Variants in PRELP observed in about 807,000 individuals in gnomAD.
PRELP encodes prolargin.
A neutral mutation model predicts 22.8 loss-of-function variants in PRELP; 16 were observed. That is an observed-to-expected ratio of 0.70 (90% CI 0.47 to 1.06). The LOEUF (loss-of-function observed/expected upper bound fraction) is 1.06. Ranked by LOEUF, PRELP falls within the 50% of genes least tolerant of loss-of-function variation. The pLI is 0.00. For missense variants in PRELP, 434 were observed against 485.2 expected, an observed-to-expected ratio of 0.89 and a Z score of 0.99; for synonymous variants, 233 against 211.4, an observed-to-expected ratio of 1.10 and a Z score of -0.89.
At chr1:203,480,378 A>T (rs954050418) in intron 1 of PRELP, among the ~76,000 whole-genome samples, 2 of 152,246 alleles carry the variant, frequency 1.3e-5, no homozygotes, top group African/African-American at 4.8e-5. Flanking sequence ...AAGGAATCTT[A>T]TGATTGGACA....
At chr1:203,486,663 C>T in intron 2 of PRELP, 43 bp from the exon 3 acceptor site, 1 of 1,559,674 alleles carries the variant, frequency 6.4e-7, no homozygotes, top group Non-Finnish European at 8.8e-7. Flanking sequence ...TCTTGGCCGC[C>T]AGCCTCCACT....
At position 203,491,218 on chromosome 1, in the gene PRELP, C is replaced by G. The variant is rs1355799998; in HGVS notation, c.*4337C>G. 1.3e-5 allele frequency: 2 copies of G among 152,154 alleles called. No individual in the cohort carries two copies. The highest frequency in any genetic ancestry group is 2.9e-5 in the Non-Finnish European group (2 of 68,042). 9.4% of individuals were successfully genotyped at this position (152,154 alleles called of 1,614,324 possible). A position where few individuals can be genotyped will look rare whatever the true frequency, so the allele number is the denominator to read the frequency against. On this transcript the variant is annotated 3_prime_UTR_variant, in exon 3 of 3. Transcript: ENST00000343110. This position sits in a 1 kb window ranked among gnomAD's most constrained non-coding sequence, Gnocchi z 4.4. ...CCACCCCTGGCCACCAGAGAACAAC[C>G]CCCTTTGACTGTAATTTTCCATTAC...
rs910219452 is a variant in PRELP at position 203,487,220 on chromosome 1, G to A, written c.*339G>A. The A allele has an allele frequency of 5.0e-6, 1 of 201,402 alleles. No homozygotes were observed. Among genetic ancestry groups the A allele is most frequent in the Non-Finnish European group, 1.0e-5 (1 of 99,258 alleles). The allele number at this position is 201,402 out of a possible 1,614,324, so 12.5% of individuals were successfully genotyped here. A position where few individuals can be genotyped will look rare whatever the true frequency, so the allele number is the denominator to read the frequency against. Reference sequence around the variant, plus strand: ...CGCCACTCCTGGGTACATCTGGGCCGTGGACTATCTGATCTTGGTCCTGGC... The same window carrying A: ...CGCCACTCCTGGGTACATCTGGGCCATGGACTATCTGATCTTGGTCCTGGC... On this transcript the variant is annotated 3_prime_UTR_variant, in exon 3 of 3. Transcript: ENST00000343110.
At position 203,489,262 on chromosome 1, in the gene PRELP, CA is replaced by C. The variant is rs1184556095; in HGVS notation, c.*2382del. 1 of 152,616 alleles carries C rather than the reference CA, an allele frequency of 6.6e-6. No individual in the cohort carries two copies. Among genetic ancestry groups the C allele is most frequent in the African/African-American group, 2.4e-5 (1 of 41,454 alleles). 9.5% of individuals were successfully genotyped at this position (152,616 alleles called of 1,614,324 possible). A position where few individuals can be genotyped will look rare whatever the true frequency, so the allele number is the denominator to read the frequency against. Reference sequence around the variant, plus strand: ...ATCCTGCAAACCCAGACTCGTTGAGCAGCAACGCAATCACCATCATCCCACT... The same window carrying C: ...ATCCTGCAAACCCAGACTCGTTGAGCGCAACGCAATCACCATCATCCCACT... On this transcript the variant is annotated 3_prime_UTR_variant, in exon 3 of 3. Transcript: ENST00000343110.
intron 1 of PRELP, among the ~76,000 whole-genome samples, chr1:203,477,675 C>A (rs2102204209): frequency 1.3e-5 from 2 of 152,250 alleles, no homozygotes; most frequent in South Asian, 4.2e-4. Context: ...CCCTAGTGGG[C>A]AATCCCATTT....
chr1:203,485,997 A>G (rs1444353786), intron 2 of PRELP, among the ~76,000 whole-genome samples: 1 of 152,132 alleles, frequency 6.6e-6, no homozygotes, highest in East Asian at 1.9e-4. Context: ...GCCCATCCTC[A>G]TGTCTCACAT....
intron 1 of PRELP, among the ~76,000 whole-genome samples, chr1:203,477,729 A>AGGCTGGGTGC (rs1660937074): frequency 7.3e-6 from 1 of 136,614 alleles, no homozygotes; most frequent in African/African-American, 3.0e-5. Context: ...AAGGGGCAAA[A>AGGCTGGGTGC]AGCTGGGAGA....
chr1:203,480,928 G>T (rs1471575519), intron 1 of PRELP, among the ~76,000 whole-genome samples: 1 of 152,246 alleles, frequency 6.6e-6, no homozygotes, highest in African/African-American at 2.4e-5. Flanking sequence ...CAGCCAGCCT[G>T]CTGGGTGGAG....
In PRELP at chr1:203,491,332, CA is replaced by C. The variant is rs1230654417; in HGVS notation, c.*4452del. 2 of 152,262 alleles carry C rather than the reference CA, an allele frequency of 1.3e-5. No individual in the cohort carries two copies. The highest frequency in any genetic ancestry group is 2.9e-5 in the Non-Finnish European group (2 of 68,082). The allele number at this position is 152,262 out of a possible 1,614,324, so 9.4% of individuals were successfully genotyped here. On this transcript the variant is annotated 3_prime_UTR_variant, in exon 3 of 3. Coordinates refer to ENST00000343110, the MANE Select transcript of PRELP (RefSeq NM_002725.4). The surrounding 1 kb of genome is among the most constrained non-coding windows in gnomAD (Gnocchi z 4.4). ...CCCGCCTGCACCCAGGTGAAATAAA[CA>C]GCCTTGTTGCTCACACAAAGCCTGT...
chr1:203,477,318 C>G (rs1231117143), intron 1 of PRELP, among the ~76,000 whole-genome samples: 1 of 152,194 alleles, frequency 6.6e-6, no homozygotes, highest in Non-Finnish European at 1.5e-5. Context: ...GTTAGCTGGG[C>G]AGAAGGACTG....
rs1268423523 is a variant in PRELP, at chr1:203,483,015, C to T, written c.-16-154C>T. Among the ~76,000 whole-genome samples the T allele has an allele frequency of 6.6e-6, 1 of 152,192 alleles. No individual in the cohort carries two copies. The highest frequency in any genetic ancestry group is 1.9e-4 in the East Asian group (1 of 5,202). On this transcript the variant is annotated intron_variant, in intron 1 of 2. Coordinates refer to ENST00000343110, the MANE Select transcript of PRELP (RefSeq NM_002725.4). This position sits in a 1 kb window ranked among gnomAD's most constrained non-coding sequence, Gnocchi z 4.4. ...CAAGCCCTTGTTATTCCCTTACCTG[C>T]TGGGTACAGGCAAACAAGGAGATGC...
In PRELP at chr1:203,487,017, A is replaced by T. The variant is rs2233734; in HGVS notation, c.*136A>T. On this transcript the variant is annotated 3_prime_UTR_variant, in exon 3 of 3. Coordinates refer to ENST00000343110, the MANE Select transcript of PRELP (RefSeq NM_002725.4). ...CCCTTATCCCACCCTCGAGGCAGGG[A>T]AAAGCCATCTATTCTTCTGCAGCCT... 9.9e-4 allele frequency: 1,032 copies of T among 1,042,718 alleles called. 6 individuals are homozygous for T. The African/African-American group carries it at 0.015, about 15-fold the overall frequency. The allele number at this position is 1,042,718 out of a possible 1,614,324, so 64.6% of individuals were successfully genotyped here.
rs527418973 is a variant in PRELP, at chr1:203,484,173, C to A, written c.973+16C>A. 14 of 591,134 alleles carry A rather than the reference C, an allele frequency of 2.4e-5. 1 individual carries two copies. Among genetic ancestry groups the A allele is most frequent in the Middle Eastern group, 3.9e-4 (1 of 2,546 alleles). The allele number at this position is 591,134 out of a possible 1,614,324, so 36.6% of individuals were successfully genotyped here. A position where few individuals can be genotyped will look rare whatever the true frequency, so the allele number is the denominator to read the frequency against. On this transcript the variant is annotated intron_variant, in intron 2 of 2. Transcript: ENST00000343110. ...AGCATCGAGAGTGAGTGGGGTGGGCCGGGGCGGGGCCGAAGGCAAGGAGGT... is the reference window on the plus strand; with the variant it reads ...AGCATCGAGAGTGAGTGGGGTGGGCAGGGGCGGGGCCGAAGGCAAGGAGGT...
rs1040913026 is a variant in PRELP, at chr1:203,486,949, C to T, written c.*68C>T. 3 of 1,440,134 alleles carry T rather than the reference C, an allele frequency of 2.1e-6. No homozygotes were observed. The East Asian group carries it at 7.6e-5, about 36-fold the overall frequency. 89.2% of individuals were successfully genotyped at this position (1,440,134 alleles called of 1,614,324 possible). On this transcript the variant is annotated 3_prime_UTR_variant, in exon 3 of 3. Transcript: ENST00000343110. The stretch of plus-strand genomic sequence containing the variant: ...CTGGGGCCCAGGCACCTGTGCCGGC[C>T]ATTCGTTTTCTCTCTCTCCCTTTCT...
chr1:203,488,638 C>G lies in PRELP; in HGVS notation c.*1757C>G, dbSNP rs1426478148. On this transcript the variant is annotated 3_prime_UTR_variant, in exon 3 of 3. Transcript: ENST00000343110. ...GACAAGTCCTAAATATTTGCCCCTT[C>G]CCTTGCAGTAATTTATTTTCTGTAT... is the stretch of plus-strand genomic sequence containing the variant. 2 of 152,250 alleles carry G rather than the reference C, an allele frequency of 1.3e-5. No individual in the cohort carries two copies. The highest frequency in any genetic ancestry group is 2.9e-5 in the Non-Finnish European group (2 of 68,052). The allele number at this position is 152,250 out of a possible 1,614,324, so 9.4% of individuals were successfully genotyped here.
chr1:203,490,678 C>G lies in PRELP; in HGVS notation c.*3797C>G, dbSNP rs991555389. 11 of 152,266 alleles carry G rather than the reference C, an allele frequency of 7.2e-5. No homozygotes were observed. The highest frequency in any genetic ancestry group is 3.9e-4 in the Admixed American group (6 of 15,292). 9.4% of individuals were successfully genotyped at this position (152,266 alleles called of 1,614,324 possible). On this transcript the variant is annotated 3_prime_UTR_variant, in exon 3 of 3. Transcript: ENST00000343110. ...GTTAGAACAGGGTGTCCCAGACTCT[C>G]TCTTCTGAGGGAAGGTTGGTTGCAA... is the stretch of plus-strand genomic sequence containing the variant.
rs1347402918 is a variant in PRELP at position 203,488,593 on chromosome 1, T to C, written c.*1712T>C. ...GTTCCGAGTCTGCAGCTCCACACTT[T>C]AAATCATACTCGAATGCAGGACAAG... On this transcript the variant is annotated 3_prime_UTR_variant, in exon 3 of 3. Transcript: ENST00000343110. The C allele has an allele frequency of 6.6e-6, 1 of 152,354 alleles. No homozygotes were observed. The highest frequency in any genetic ancestry group is 6.5e-5 in the Admixed American group (1 of 15,306). 9.4% of individuals were successfully genotyped at this position (152,354 alleles called of 1,614,324 possible). A position where few individuals can be genotyped will look rare whatever the true frequency, so the allele number is the denominator to read the frequency against.
chr1:203,483,439 T>C lies in PRELP; in HGVS notation c.255T>C (p.Ser85=), dbSNP rs1229218953. Residue 85 remains serine (S), a synonymous_variant, in exon 2 of 3, where the codon TCT becomes TCC. Transcript: ENST00000343110. The surrounding 1 kb of genome is among the most constrained non-coding windows in gnomAD (Gnocchi z 4.4). ...RECYCPPDFP[S]ALYCDSRNLR... ...GCTACTGCCCCCCTGATTTCCCATC[T>C]GCCCTCTACTGTGATAGCCGCAACC... 1.2e-6 allele frequency: 2 copies of C among 1,614,038 alleles called. No individual in the cohort carries two copies. Among genetic ancestry groups the C allele is most frequent in the Non-Finnish European group, 1.7e-6 (2 of 1,180,036 alleles).
chr1:203,485,831 G>A (rs1054861806), intron 2 of PRELP, among the ~76,000 whole-genome samples: 1 of 152,194 alleles, frequency 6.6e-6, no homozygotes, highest in Non-Finnish European at 1.5e-5. Context: ...TGGCATGCCT[G>A]GTGCCACAGG....
Sources: gnomAD v4.1 joint callset for allele counts (sites outside exome capture counted in the v4.1 genomes callset) on GRCh38, gnomAD v4.1.1 for gene constraint, Gnocchi (gnomAD v3.1) non-coding constraint, MANE v1.5 for transcripts, NCBI Gene and HGNC (gene_info 2026-07-23, HGNC 2026-07-21) for gene names.